CDH4: variants seen among roughly 807,000 people sequenced by gnomAD.
CDH4 encodes cadherin 4.
A neutral mutation model predicts 86.0 loss-of-function variants in CDH4; 33 were observed. The observed-to-expected ratio is 0.38, with a 90% CI of 0.29 to 0.51. The LOEUF (loss-of-function observed/expected upper bound fraction) is 0.51, where lower values mean the gene tolerates loss of function less well. CDH4 is among the 20% of genes least tolerant of loss of function. The probability of loss-of-function intolerance (pLI) is 0.86; values close to 1 mark genes in which losing one functional copy is unlikely to be tolerated. For missense variants in CDH4, 1,114 were observed against 1,307.4 expected, an observed-to-expected ratio of 0.85 and a Z score of 2.28; for synonymous variants, 555 against 549.4, an observed-to-expected ratio of 1.01 and a Z score of -0.14.
chr20:61,361,332 T>G (rs529633235), intron 2 of CDH4, among the ~76,000 whole-genome samples: 169 of 152,292 alleles, frequency 1.1e-3, no homozygotes, highest in African/African-American at 4.0e-3. Flanking sequence ...GTATTATTTC[T>G]TAGCTTTCAT....
intron 2 of CDH4, among the ~76,000 whole-genome samples, chr20:61,694,632 G>A (rs1444376374): frequency 6.6e-6 from 1 of 152,182 alleles, no homozygotes; most frequent in East Asian, 1.9e-4. Flanking sequence ...TGGGATAGAA[G>A]TAAAAACTCC....
intron 2 of CDH4, among the ~76,000 whole-genome samples, chr20:61,313,993 C>T (rs979905012): frequency 2.6e-5 from 4 of 152,198 alleles, no homozygotes; most frequent in Non-Finnish European, 4.4e-5. Context: ...CCTTGGCCTC[C>T]CAAAGTGCTG....
At chr20:61,292,181 C>T (rs979243242) in intron 2 of CDH4, among the ~76,000 whole-genome samples, 10 of 152,106 alleles carry the variant, frequency 6.6e-5, no homozygotes, top group East Asian at 3.9e-4. Flanking sequence ...GACACATGCA[C>T]GCAAATATTC....
intron 2 of CDH4, among the ~76,000 whole-genome samples, chr20:61,685,137 CT>C (rs1184654531): frequency 6.6e-6 from 1 of 152,236 alleles, no homozygotes; most frequent in African/African-American, 2.4e-5. Context: ...CTTTCCGTCT[CT>C]AGATGTGTCT....
intron 3 of CDH4, among the ~76,000 whole-genome samples, chr20:61,753,419 T>C (rs993509000): frequency 6.6e-6 from 1 of 152,224 alleles, no homozygotes; most frequent in Non-Finnish European, 1.5e-5. Context: ...TAGCAACTAT[T>C]TAAAAGCAGC....
At chr20:61,459,895 C>T (rs6062182) in intron 2 of CDH4, among the ~76,000 whole-genome samples, 21,867 of 151,758 alleles carry the variant, frequency 0.14, 2,641 homozygotes, top group African/African-American at 0.33. Flanking sequence ...GAGCCTGTGA[C>T]CCACAGAAGG....
rs570068040 is a variant in CDH4, at chr20:61,381,438, G to A, written c.169+126501G>A. On this transcript the variant is annotated intron_variant, in intron 2 of 15. Transcript: ENST00000614565. ...CATTGCACATAACCTAGCAGTTTAC[G>A]ATTAACAAAAACATCCACTTAGCAA... is the stretch of plus-strand genomic sequence containing the variant. Among the ~76,000 whole-genome samples, 7 of 152,296 alleles carry A rather than the reference G, an allele frequency of 4.6e-5. No homozygotes were observed. In the South Asian group the frequency reaches 8.3e-4, roughly 18 times the overall value.
chr20:61,572,614 G>A (rs2086349871), intron 2 of CDH4, among the ~76,000 whole-genome samples: 3 of 152,244 alleles, frequency 2.0e-5, no homozygotes, highest in Admixed American at 2.0e-4. Flanking sequence ...GCTGCATGGT[G>A]AGGACACCCA....
intron 4 of CDH4, among the ~76,000 whole-genome samples, chr20:61,816,719 G>A (rs776631465): frequency 6.6e-6 from 1 of 152,002 alleles, no homozygotes; most frequent in Non-Finnish European, 1.5e-5. Context: ...TTTGCCAAGG[G>A]GGCAGACACC....
chr20:61,873,282 T>C (rs1983882283), intron 6 of CDH4, among the ~76,000 whole-genome samples: 1 of 152,226 alleles, frequency 6.6e-6, no homozygotes, highest in South Asian at 2.1e-4. Context: ...TGTCCAGACC[T>C]ATACCAGGCC....
At chr20:61,784,460 G>A (rs1407008810) in intron 4 of CDH4, among the ~76,000 whole-genome samples, 1 of 63,996 alleles carries the variant, frequency 1.6e-5, no homozygotes, top group Non-Finnish European at 3.1e-5. Context: ...CCAGTTCCTC[G>A]GGACAGTTCT....
At chr20:61,490,798 G>A (rs942046583) in intron 2 of CDH4, among the ~76,000 whole-genome samples, 2 of 152,126 alleles carry the variant, frequency 1.3e-5, no homozygotes, top group Admixed American at 1.3e-4. Flanking sequence ...GCACACGGCT[G>A]TCTAATTGTC....
At chr20:61,585,715 G>A (rs13044770) in intron 2 of CDH4, among the ~76,000 whole-genome samples, 1 of 28,282 alleles carries the variant, frequency 3.5e-5, no homozygotes, top group Non-Finnish European at 9.1e-5. Context: ...GAGGATGGTG[G>A]TGATGATGGT....
chr20:61,874,091 C>T (rs1402047791), intron 7 of CDH4, among the ~76,000 whole-genome samples, 191 bp downstream of exon 7: 3 of 152,174 alleles, frequency 2.0e-5, no homozygotes, highest in African/African-American at 7.2e-5. Flanking sequence ...CTGCTATGAG[C>T]GAGTCCTTGT....
At chr20:61,566,902 T>A (rs1235397566) in intron 2 of CDH4, among the ~76,000 whole-genome samples, 2 of 152,124 alleles carry the variant, frequency 1.3e-5, no homozygotes, top group Admixed American at 1.3e-4. Context: ...AATGCGGGAA[T>A]GGACTGCGTG....
intron 2 of CDH4, among the ~76,000 whole-genome samples, chr20:61,331,653 A>AGGCTCACCTCCTGCCCTG (rs2084578469): frequency 8.8e-5 from 2 of 22,712 alleles, no homozygotes; most frequent in African/African-American, 2.0e-4. Context: ...CTCCCGCCCC[A>AGGCTCACCTCCTGCCCTG]GCCACCTGCC....
At chr20:61,589,876 T>C (rs1008874761) in intron 2 of CDH4, among the ~76,000 whole-genome samples, 8 of 148,854 alleles carry the variant, frequency 5.4e-5, no homozygotes, top group Non-Finnish European at 1.2e-4. Flanking sequence ...CTCCCAGACA[T>C]TGCGTGGACA....
At chr20:61,385,640 C>T (rs559095670) in intron 2 of CDH4, among the ~76,000 whole-genome samples, 2 of 152,266 alleles carry the variant, frequency 1.3e-5, no homozygotes, top group South Asian at 4.1e-4. Flanking sequence ...TCTCCTGCCT[C>T]CTCTCCCGTT....
Position 61,906,439 on chromosome 20 carries a change from C to T in CDH4, c.1189-3983C>T, listed in dbSNP as rs140499140. Among the ~76,000 whole-genome samples, 475 of 152,370 alleles carry T rather than the reference C, an allele frequency of 3.1e-3. 5 individuals carry two copies. Among genetic ancestry groups the T allele is most frequent in the African/African-American group, 0.011 (460 of 41,596 alleles). On this transcript the variant is annotated intron_variant, in intron 8 of 15. Transcript: ENST00000614565. ...ACTTGGGGTGACATGGCCGCAGGAC[C>T]GGAGCGGCATGGTCCTGCTCAACCC...
Sources: gnomAD v4.1 joint callset for allele counts (sites outside exome capture counted in the v4.1 genomes callset) on GRCh38, gnomAD v4.1.1 for gene constraint, MANE v1.5 for transcripts, NCBI Gene and HGNC (gene_info 2026-07-23, HGNC 2026-07-21) for gene names.